RHBDF2: variants seen among roughly 807,000 people sequenced by gnomAD.
The protein encoded by RHBDF2 is rhomboid 5 homolog 2.
Under a neutral mutation model 95.2 loss-of-function variants are expected in RHBDF2, and 38 were observed. That is an observed-to-expected ratio of 0.40 (90% CI 0.31 to 0.52). The LOEUF is 0.52. Among genes scored for constraint, RHBDF2 ranks in the 20% least tolerant of loss-of-function variants. The pLI is 0.56. For missense variants in RHBDF2, 863 were observed against 1,137.7 expected (o/e 0.76, Z 3.47); for synonymous variants, 442 against 462.0 (o/e 0.96, Z 0.55).
At chr17:76,498,187 T>A (rs901360715) in intron 1 of RHBDF2, among the ~76,000 whole-genome samples, 36 of 152,168 alleles carry the variant, frequency 2.4e-4, no homozygotes, top group Admixed American at 4.6e-4. Flanking sequence ...GAGCTGTCCC[T>A]GCCTAGCCAC....
chr17:76,477,748 C>T lies in RHBDF2; in HGVS notation c.710G>A (p.Arg237Gln), dbSNP rs757718673. Residue 237 changes from arginine (R) to glutamine (Q), a missense_variant, in exon 7 of 19, where the codon CGG (arginine) becomes CAG (glutamine). Physicochemically the swap from Arg to Gln is conservative, Grantham distance 43. Around this residue, in one of 2 missense-constraint regions of RHBDF2, gnomAD observed 611 missense variants for 725.5 expected, o/e 0.84. Coordinates refer to ENST00000675367, the MANE Select transcript of RHBDF2 (RefSeq NM_001005498.4). ...GAAGGCAAAGCTGCGCTTGACCACC[C>T]GGCACCGCTGTCCGGTGGCATCCAG... ...SVLDATGQRC[R>Q]VVKRSFAFPS... 1.1e-5 allele frequency: 17 copies of T among 1,613,314 alleles called. No individual in the cohort carries two copies. The highest frequency in any genetic ancestry group is 2.2e-5 in the South Asian group (2 of 91,092).
Position 76,471,606 on chromosome 17 carries a change from C to T in RHBDF2, c.*27G>A. On this transcript the variant is annotated 3_prime_UTR_variant, in exon 19 of 19. Coordinates refer to ENST00000675367, the MANE Select transcript of RHBDF2 (RefSeq NM_001005498.4). ...GCAGGCAGACCCTGTTCCAGCAGGG[C>T]TGAGGGGCAGCCGTGTGGCCCAGCG... 1 of 1,557,664 alleles carries T rather than the reference C, an allele frequency of 6.4e-7. No homozygotes were observed. The highest frequency in any genetic ancestry group is 8.7e-7 in the Non-Finnish European group (1 of 1,150,230).
rs2073859553 is a variant in RHBDF2 at position 76,478,982 on chromosome 17, C to T, written c.496G>A (p.Ala166Thr). 2 of 1,594,982 alleles carry T rather than the reference C, an allele frequency of 1.3e-6. No individual in the cohort carries two copies. Among genetic ancestry groups the T allele is most frequent in the Non-Finnish European group, 1.7e-6 (2 of 1,168,740 alleles). ...TCCATCTCCTCCGGGTGGCGGAAGG[C>T]CCGGCCCCGGGCCAGCGGATCCACA... is the stretch of plus-strand genomic sequence containing the variant. ...KIVDPLARGR[A>T]FRHPEEMDRP... Residue 166 changes from alanine to threonine, a missense_variant, in exon 6 of 19, where the codon GCC becomes ACC. Coordinates refer to ENST00000675367, the MANE Select transcript of RHBDF2 (RefSeq NM_001005498.4).
rs2073804897 is a variant in RHBDF2, at chr17:76,477,298, C to T, written c.802G>A (p.Glu268Lys). The T allele has an allele frequency of 6.2e-7, 1 of 1,611,134 alleles. No individual in the cohort carries two copies. Among genetic ancestry groups the T allele is most frequent in the Non-Finnish European group, 8.5e-7 (1 of 1,179,128 alleles). Residue 268 changes from glutamate (E) to lysine (K), a missense_variant and splice_region_variant, in exon 8 of 19, where the codon GAA (glutamate) becomes AAA (lysine). By Grantham distance (56) the Glu-to-Lys change is moderately conservative. This residue lies in a region of RHBDF2 where 611 missense variants were observed against 725.5 expected (regional missense o/e 0.84). Coordinates refer to ENST00000675367, the MANE Select transcript of RHBDF2 (RefSeq NM_001005498.4). ...TCATCAGGCATGGAGCTCATTTCTT[C>T]CTGGGGTGGGGGACAAGAAAATACA... ...DTFDSSFFSK[E>K]EMSSMPDDVF... is the part of the protein sequence containing the mutation.
intron 9 of RHBDF2, chr17:76,476,194 C>T (rs1457770970): frequency 6.6e-6 from 1 of 152,322 alleles, no homozygotes; most frequent in Non-Finnish European, 1.5e-5. Flanking sequence ...AGGCGTGAGC[C>T]ACCGCGCCCT....
At chr17:76,486,077 T>TACGTACAC (rs1555617928) in intron 2 of RHBDF2, among the ~76,000 whole-genome samples, 1 of 144,886 alleles carries the variant, frequency 6.9e-6, no homozygotes, top group East Asian at 2.1e-4. Context: ...TATATATATG[T>TACGTACAC]ACACACACAC....
At chr17:76,475,343 T>G (rs1380576151) in intron 9 of RHBDF2, among the ~76,000 whole-genome samples, 1 of 152,224 alleles carries the variant, frequency 6.6e-6, no homozygotes, top group Non-Finnish European at 1.5e-5. Flanking sequence ...AGCTTTCCAC[T>G]GGCCTTGGGA....
At chr17:76,493,726 G>A (rs760575307) in intron 1 of RHBDF2, among the ~76,000 whole-genome samples, 4 of 152,180 alleles carry the variant, frequency 2.6e-5, no homozygotes, top group Non-Finnish European at 5.9e-5. Flanking sequence ...GCAAGTGGGC[G>A]CAGACACGAT....
chr17:76,480,028 TG>T (rs2073904324), intron 3 of RHBDF2, 174 bp from the exon 4 acceptor site: 2 of 407,476 alleles, frequency 4.9e-6, no homozygotes, highest in South Asian at 3.0e-5. Context: ...TGTGTGTGTG[TG>T]TGTGTGTGTG....
chr17:76,481,267 G>A, intron 3 of RHBDF2, 108 bp downstream of exon 3: 2 of 1,288,316 alleles, frequency 1.6e-6, no homozygotes, highest in South Asian at 1.4e-5. Context: ...GACAGCAGCT[G>A]TGGCTCAGGA....
At chr17:76,498,167 C>G (rs528542574) in intron 1 of RHBDF2, among the ~76,000 whole-genome samples, 9 of 152,266 alleles carry the variant, frequency 5.9e-5, no homozygotes, top group Admixed American at 2.6e-4. Flanking sequence ...TGAAGCCGCC[C>G]GTGCCCTGAG....
intron 15 of RHBDF2, 52 bp downstream of exon 15, chr17:76,473,596 C>T (rs1322507301): frequency 1.6e-5 from 24 of 1,473,290 alleles, no homozygotes; most frequent in African/African-American, 2.8e-5. Context: ...CACAGGAAGC[C>T]GCAGCTCGGG....
intron 7 of RHBDF2, 62 bp from the exon 8 acceptor site, chr17:76,477,360 C>G (rs1416097057): frequency 5.1e-6 from 8 of 1,560,820 alleles, no homozygotes; most frequent in Non-Finnish European, 5.2e-6. Flanking sequence ...CCCCCCGGAA[C>G]CTCAATTCAA....
At chr17:76,495,959 G>A (rs1311236754) in intron 1 of RHBDF2, among the ~76,000 whole-genome samples, 2 of 152,192 alleles carry the variant, frequency 1.3e-5, no homozygotes, top group African/African-American at 2.4e-5. Context: ...AAGCAGGCCT[G>A]CAAAGCCACG....
chr17:76,475,708 C>T (rs965706492), intron 9 of RHBDF2, among the ~76,000 whole-genome samples: 2 of 151,642 alleles, frequency 1.3e-5, no homozygotes, highest in African/African-American at 2.4e-5. Context: ...CAGCCTCCCT[C>T]GTAGCTGGGA....
chr17:76,494,688 G>A (rs1170133553), intron 1 of RHBDF2, among the ~76,000 whole-genome samples: 2 of 152,142 alleles, frequency 1.3e-5, no homozygotes, highest in Non-Finnish European at 2.9e-5. Flanking sequence ...GGAGGCGGAG[G>A]TTGAAGTGAG....
intron 1 of RHBDF2, among the ~76,000 whole-genome samples, chr17:76,497,266 G>A (rs975975444): frequency 7.2e-5 from 11 of 152,104 alleles, no homozygotes; most frequent in African/African-American, 2.2e-4. Flanking sequence ...ACCTACGCCA[G>A]GGAAAGCACA....
chr17:76,478,651 C>T (rs80169652), intron 6 of RHBDF2, among the ~76,000 whole-genome samples, 155 bp downstream of exon 6: 2,777 of 152,232 alleles, frequency 0.018, 33 homozygotes, highest in Non-Finnish European at 0.025. Context: ...TTCGGGGTCC[C>T]TCTTTGCCCA....
chr17:76,500,553 G>T (rs2074553081), intron 1 of RHBDF2, among the ~76,000 whole-genome samples: 1 of 152,142 alleles, frequency 6.6e-6, no homozygotes, highest in South Asian at 2.1e-4. Flanking sequence ...ACCGCCTTCT[G>T]CTCCTCAGAC....
Sources: allele counts gnomAD v4.1 joint callset (sites outside exome capture counted in the v4.1 genomes callset), GRCh38; gene constraint gnomAD v4.1.1; regional missense constraint gnomAD v4.1.1; transcripts MANE v1.5; gene names NCBI Gene and HGNC (gene_info 2026-07-23, HGNC 2026-07-21).